The following NBAS variants were observed in gnomAD, a reference collection of about 807,000 sequenced individuals.
The protein encoded by NBAS is NBAS subunit of NRZ tethering complex, also known as NAG/BC035112 fusion.
In NBAS, 219 loss-of-function variants were observed where a neutral mutation model predicts 302.5. That is an observed-to-expected ratio of 0.72 (90% CI 0.65 to 0.81). NBAS has a LOEUF of 0.81. Ranked by LOEUF, NBAS falls within the 30% of genes least tolerant of loss-of-function variation. The pLI, the probability that NBAS is intolerant of heterozygous loss-of-function variation, is 0.00. For missense variants in NBAS, 2,932 were observed against 2,841.6 expected (o/e 1.03, Z -0.72); for synonymous variants, 1,118 against 1,021.6 (o/e 1.09, Z -1.80).
rs534514970 is a variant in NBAS at position 15,396,556 on chromosome 2, G to GA, written c.3072-82dup. ...AATAAAATACAAAACTTAATGAAGTGAAAAAAAGATGTTTCTTTTATATGT... is the reference window on the plus strand; with the variant it reads ...AATAAAATACAAAACTTAATGAAGTGAAAAAAAAGATGTTTCTTTTATATGT... On this transcript the variant is annotated intron_variant, in intron 26 of 51. Transcript: ENST00000281513. The GA allele has an allele frequency of 1.3e-4, 116 of 924,284 alleles. 1 individual carries two copies. In the South Asian group the frequency reaches 1.8e-3, roughly 14 times the overall value. The allele number at this position is 924,284 out of a possible 1,614,324, so 57.3% of individuals were successfully genotyped here.
Position 15,296,886 on chromosome 2 carries a change from CA to C in NBAS, c.4798-4121del, listed in dbSNP as rs1337748464. On this transcript the variant is annotated intron_variant, in intron 40 of 51. Transcript: ENST00000281513. ...AAACAAATAAATTAGAATTTCAGGC[CA>C]CAAATTATAGCCATCAGATTTCTAC... 5.3e-5 allele frequency among the ~76,000 whole-genome samples: 8 copies of C among 152,162 alleles called. No homozygotes were observed. In the South Asian group the frequency reaches 1.7e-3, roughly 32 times the overall value.
chr2:15,238,417 G>C, intron 45 of NBAS, 51 bp downstream of exon 45: 1 of 1,557,012 alleles, frequency 6.4e-7, no homozygotes, highest in Non-Finnish European at 8.8e-7. Context: ...AAGGAAAAAA[G>C]AAAGAATATA....
intron 51 of NBAS, among the ~76,000 whole-genome samples, chr2:15,174,579 T>C (rs565916725): frequency 1.3e-5 from 2 of 152,314 alleles, no homozygotes; most frequent in East Asian, 1.9e-4. Flanking sequence ...AGGCGAGTTG[T>C]TGGGGTAGGT....
the NBAS span, among the ~76,000 whole-genome samples, chr2:14,842,288 T>C: frequency 6.6e-6 from 1 of 151,692 alleles, no homozygotes; most frequent in South Asian, 2.1e-4. Flanking sequence ...GCAAAAACCA[T>C]GAAAATCCAA....
Position 15,384,924 on chromosome 2 carries a change from T to C in NBAS, c.3258-1607A>G, listed in dbSNP as rs145620471. 4.1e-3 allele frequency among the ~76,000 whole-genome samples: 627 copies of C among 152,334 alleles called. 3 individuals carry two copies. The highest frequency in any genetic ancestry group is 0.014 in the African/African-American group (592 of 41,586). On this transcript the variant is annotated intron_variant, in intron 28 of 51. Coordinates refer to ENST00000281513, the MANE Select transcript of NBAS (RefSeq NM_015909.4). ...CACTATGCATTAAAAACAGGGCAGATAGATTGTATGTGTTTAATAGTTATT... is the reference window on the plus strand; with the variant it reads ...CACTATGCATTAAAAACAGGGCAGACAGATTGTATGTGTTTAATAGTTATT...
chr2:15,383,175 TGTTAA>T, intron 29 of NBAS, 35 bp downstream of exon 29: 1 of 1,462,676 alleles, frequency 6.8e-7, no homozygotes, highest in African/African-American at 1.6e-5. Flanking sequence ...CAATTAAAAT[TGTTAA>T]ATTAAAAAAA....
chr2:15,185,970 T>A (rs148387533), intron 50 of NBAS, among the ~76,000 whole-genome samples: 1 of 152,124 alleles, frequency 6.6e-6, no homozygotes. Flanking sequence ...ATTTAAGACA[T>A]GTAAATTATT....
At chr2:14,810,833 T>C in the NBAS span, among the ~76,000 whole-genome samples, 2 of 152,210 alleles carry the variant, frequency 1.3e-5, no homozygotes, top group African/African-American at 4.8e-5. Flanking sequence ...AGGTAGGTCA[T>C]ATCTTCTGCA....
the NBAS span, among the ~76,000 whole-genome samples, chr2:14,858,217 G>A: frequency 6.6e-6 from 1 of 152,124 alleles, no homozygotes; most frequent in Admixed American, 6.5e-5. Flanking sequence ...TGGTGGGAAT[G>A]TGAATTAGTA....
chr2:14,850,230 G>A, the NBAS span, among the ~76,000 whole-genome samples: 1 of 132,594 alleles, frequency 7.5e-6, no homozygotes, highest in Non-Finnish European at 1.5e-5. Context: ...AAGGATGGAG[G>A]AAGATCTACC....
At chr2:15,461,431 C>T in intron 20 of NBAS, 94 bp from the exon 21 acceptor site, 1 of 1,329,736 alleles carries the variant, frequency 7.5e-7, no homozygotes, top group Non-Finnish European at 1.1e-6. Context: ...CTTTTTTATG[C>T]AGCTCTGATA....
At chr2:15,093,196 A>C in the NBAS span, among the ~76,000 whole-genome samples, 5 of 152,156 alleles carry the variant, frequency 3.3e-5, no homozygotes, top group African/African-American at 1.2e-4. Flanking sequence ...CGGGCAGATC[A>C]CTTGAGCTCA....
At chr2:15,206,266 G>A (rs1391678600) in intron 48 of NBAS, among the ~76,000 whole-genome samples, 3 of 152,168 alleles carry the variant, frequency 2.0e-5, no homozygotes, top group Non-Finnish European at 4.4e-5. Flanking sequence ...AGGGAATCTG[G>A]CAGAAATTTA....
the NBAS span, among the ~76,000 whole-genome samples, chr2:14,905,663 G>A: frequency 8.7e-4 from 132 of 152,290 alleles, no homozygotes; most frequent in African/African-American, 3.2e-3. Flanking sequence ...AAAGTGACCT[G>A]GTTGAAGTGT....
chr2:14,888,245 C>T, the NBAS span, among the ~76,000 whole-genome samples: 1 of 152,176 alleles, frequency 6.6e-6, no homozygotes, highest in Non-Finnish European at 1.5e-5. Flanking sequence ...GTTATCCTGC[C>T]TCAGCTTCCT....
the NBAS span, among the ~76,000 whole-genome samples, chr2:15,082,955 C>G: frequency 1.3e-5 from 2 of 152,342 alleles, no homozygotes; most frequent in South Asian, 2.1e-4. Flanking sequence ...CTGGATATAA[C>G]TGAAGCTACA....
chr2:15,081,693 T>G, the NBAS span, among the ~76,000 whole-genome samples: 1 of 152,218 alleles, frequency 6.6e-6, no homozygotes, highest in African/African-American at 2.4e-5. Flanking sequence ...TGTGTAATTA[T>G]GGTCAGGGGT....
chr2:15,536,503 A>G lies in NBAS; in HGVS notation c.562T>C (p.Phe188Leu), dbSNP rs1663524457. The change falls in exon 8 of 52, where the codon TTT becomes CTT. Residue 188 changes from phenylalanine (F) to leucine (L), a missense_variant. Phe to Leu is a conservative substitution (Grantham distance 22, BLOSUM62 0). Coordinates refer to ENST00000281513, the MANE Select transcript of NBAS (RefSeq NM_015909.4). ...DLSYAIAGLI[F>L]LEYKASAQWS... is the part of the protein sequence containing the mutation. ...TGTGCACTTGCTTTATATTCTAAAA[A>G]TATCAACCCAGCAATGGCATAGCTT... 7 of 1,613,112 alleles carry G rather than the reference A, an allele frequency of 4.3e-6. No homozygotes were observed. Among genetic ancestry groups the G allele is most frequent in the Non-Finnish European group, 5.9e-6 (7 of 1,179,752 alleles).
At chr2:14,808,311 C>A in the NBAS span, among the ~76,000 whole-genome samples, 1 of 152,188 alleles carries the variant, frequency 6.6e-6, no homozygotes, top group Non-Finnish European at 1.5e-5. Context: ...CATCATGTGG[C>A]ATGGTGAATA....
Sources: allele counts gnomAD v4.1 joint callset (sites outside exome capture counted in the v4.1 genomes callset), GRCh38; gene constraint gnomAD v4.1.1; transcripts MANE v1.5; gene names NCBI Gene and HGNC (gene_info 2026-07-23, HGNC 2026-07-21).